CSGALNACT1: variants seen among roughly 807,000 people sequenced by gnomAD.
CSGALNACT1 encodes beta4GalNAcT-1.
A neutral mutation model predicts 51.0 loss-of-function variants in CSGALNACT1; 52 were observed. That is an observed-to-expected ratio of 1.02 (90% CI 0.82 to 1.29). CSGALNACT1 has a LOEUF of 1.29. CSGALNACT1 is among the 50% of genes most tolerant of loss of function. The pLI is 0.00. For missense variants in CSGALNACT1, 935 were observed against 679.2 expected (o/e 1.38, Z -4.19); for synonymous variants, 341 against 254.4 (o/e 1.34, Z -3.24).
chr8:19,533,019 ACTTAT>A (rs2083076794), intron 3 of CSGALNACT1, among the ~76,000 whole-genome samples: 1 of 152,084 alleles, frequency 6.6e-6, no homozygotes, highest in Non-Finnish European at 1.5e-5. Flanking sequence ...GCTCCTTAAG[ACTTAT>A]CTTAAATATT....
At chr8:19,571,567 G>C (rs77713148) in intron 3 of CSGALNACT1, among the ~76,000 whole-genome samples, 10 of 150,424 alleles carry the variant, frequency 6.6e-5, no homozygotes, top group African/African-American at 2.4e-4. Context: ...TACTAAAAAG[G>C]ATCTACACAT....
intron 1 of CSGALNACT1, among the ~76,000 whole-genome samples, chr8:19,720,746 T>G (rs947824477): frequency 6.6e-6 from 1 of 152,162 alleles, no homozygotes; most frequent in Admixed American, 6.5e-5. Context: ...CCTCCATCGC[T>G]CTCTGGATGA....
intron 2 of CSGALNACT1, among the ~76,000 whole-genome samples, chr8:19,594,953 T>C (rs986705188): frequency 2.0e-5 from 3 of 152,182 alleles, no homozygotes; most frequent in Non-Finnish European, 4.4e-5. Flanking sequence ...ACACGTGTTA[T>C]AAAGTTAGAA....
chr8:19,504,379 T>C (rs952834525), intron 4 of CSGALNACT1, among the ~76,000 whole-genome samples: 1 of 152,226 alleles, frequency 6.6e-6, no homozygotes, highest in Non-Finnish European at 1.5e-5. Flanking sequence ...CCCGGCCAGA[T>C]GAATTATATT....
intron 4 of CSGALNACT1, among the ~76,000 whole-genome samples, chr8:19,485,105 A>G (rs182811735): frequency 6.6e-6 from 1 of 152,258 alleles, no homozygotes; most frequent in Admixed American, 6.5e-5. Flanking sequence ...ATATAATACA[A>G]CCAATGATGG....
chr8:19,488,973 T>A (rs1430179736), intron 4 of CSGALNACT1, among the ~76,000 whole-genome samples: 2 of 152,100 alleles, frequency 1.3e-5, no homozygotes, highest in African/African-American at 4.8e-5. Context: ...TAATATGCAG[T>A]TATTATTATG....
chr8:19,752,165 G>A (rs2065078250), intron 1 of CSGALNACT1, among the ~76,000 whole-genome samples: 1 of 146,572 alleles, frequency 6.8e-6, no homozygotes, highest in African/African-American at 2.5e-5. Flanking sequence ...TATCATATAT[G>A]AGTATATATT....
At chr8:19,405,602 G>A (rs890161740) in exon 10 of CSGALNACT1, 29 of 857,428 alleles carry the variant, frequency 3.4e-5, no homozygotes, top group African/African-American at 8.3e-5. Context: ...CAGGCAAAGC[G>A]GAGATTTTGA....
chr8:19,642,641 G>A (rs1010999028), intron 1 of CSGALNACT1, among the ~76,000 whole-genome samples: 2 of 151,940 alleles, frequency 1.3e-5, no homozygotes, highest in African/African-American at 2.4e-5. Flanking sequence ...AACTAGCTGG[G>A]CATGGTGGCA....
intron 3 of CSGALNACT1, among the ~76,000 whole-genome samples, chr8:19,522,576 G>T (rs947459319): frequency 3.3e-5 from 5 of 152,064 alleles, no homozygotes; most frequent in Non-Finnish European, 5.9e-5. Context: ...TTAGGTCTGG[G>T]GACAATAGAT....
intron 1 of CSGALNACT1, among the ~76,000 whole-genome samples, chr8:19,681,893 T>G (rs2060648373): frequency 6.6e-6 from 1 of 152,132 alleles, no homozygotes; most frequent in Non-Finnish European, 1.5e-5. Context: ...CACCCCACCT[T>G]CTGGGTCACA....
chr8:19,435,159 C>T (rs1259432810), intron 6 of CSGALNACT1, among the ~76,000 whole-genome samples: 1 of 152,182 alleles, frequency 6.6e-6, no homozygotes, highest in African/African-American at 2.4e-5. Context: ...TAAATGTCAA[C>T]TTACAATGTG....
chr8:19,658,178 C>A (rs189418861), intron 1 of CSGALNACT1, among the ~76,000 whole-genome samples: 144 of 151,874 alleles, frequency 9.5e-4, no homozygotes, highest in African/African-American at 3.3e-3. Flanking sequence ...AGGGTGTGCC[C>A]TTATAACAGA....
chr8:19,595,747 A>G (rs930960706), intron 2 of CSGALNACT1, among the ~76,000 whole-genome samples: 1 of 152,090 alleles, frequency 6.6e-6, no homozygotes, highest in African/African-American at 2.4e-5. Flanking sequence ...TCCAGAGGTT[A>G]TAATTCTTTC....
At chr8:19,637,799 T>C (rs1034750972) in intron 1 of CSGALNACT1, among the ~76,000 whole-genome samples, 1 of 151,764 alleles carries the variant, frequency 6.6e-6, no homozygotes, top group East Asian at 1.9e-4. Flanking sequence ...CTGAGAATTA[T>C]ACTCGTTGTA....
intron 4 of CSGALNACT1, among the ~76,000 whole-genome samples, chr8:19,487,567 G>A (rs1421276613): frequency 6.6e-6 from 1 of 152,112 alleles, no homozygotes; most frequent in Non-Finnish European, 1.5e-5. Flanking sequence ...ATAAGATTCT[G>A]GAGAAGAAAA....
rs777899089 is a variant in CSGALNACT1 at position 19,505,248 on chromosome 8, T to C, written c.587A>G (p.Glu196Gly). The change falls in exon 4 of 10, where the codon GAG becomes GGG. Residue 196 changes from glutamate to glycine, a missense_variant. Glu to Gly is a moderately conservative substitution (Grantham distance 98). Transcript: ENST00000454498. ...GTAAGGACGGTGATTGGGGCTGTTC[T>C]CTGCAGGACTGTTCAGGGTCTCCAA... 7 of 1,614,202 alleles carry C rather than the reference T, an allele frequency of 4.3e-6. No homozygotes were observed. In the Admixed American group the frequency reaches 5.0e-5, roughly 12 times the overall value.
intron 3 of CSGALNACT1, among the ~76,000 whole-genome samples, chr8:19,555,246 T>C (rs1444374211): frequency 6.6e-6 from 1 of 150,798 alleles, no homozygotes; most frequent in East Asian, 1.9e-4. Context: ...TTCAAAAAAA[T>C]TAAAAAAAAG....
At chr8:19,429,421 C>T (rs1260770219) in intron 6 of CSGALNACT1, among the ~76,000 whole-genome samples, 3 of 151,818 alleles carry the variant, frequency 2.0e-5, no homozygotes, top group South Asian at 2.1e-4. Flanking sequence ...AGGTGATCTG[C>T]CTGCCTCAGC....
Sources: gnomAD v4.1 joint callset for allele counts (sites outside exome capture counted in the v4.1 genomes callset) on GRCh38, gnomAD v4.1.1 for gene constraint, MANE v1.5 for transcripts, NCBI Gene and HGNC (gene_info 2026-07-23, HGNC 2026-07-21) for gene names.